The following CUL2 variants were observed in gnomAD, a reference collection of about 807,000 sequenced individuals.
The protein encoded by CUL2 is cullin 2.
CUL2 carries 22 observed loss-of-function variants against 110.2 expected under a neutral mutation model. The observed-to-expected ratio is 0.20, with a 90% confidence interval of 0.14 to 0.28. The LOEUF is 0.28. Ranked by LOEUF, CUL2 falls within the 10% of genes least tolerant of loss-of-function variation. CUL2 has a pLI of 1.00. For missense variants in CUL2, 631 were observed against 905.5 expected, an observed-to-expected ratio of 0.70 and a Z score of 3.89; for synonymous variants, 279 against 293.2, an observed-to-expected ratio of 0.95 and a Z score of 0.49.
chr10:35,031,709 T>C lies in CUL2; in HGVS notation c.1171-90A>G. 1 of 1,415,610 alleles carries C rather than the reference T, an allele frequency of 7.1e-7. No homozygotes were observed. The highest frequency in any genetic ancestry group is 2.3e-5 in the East Asian group (1 of 43,526). 87.7% of individuals were successfully genotyped at this position (1,415,610 alleles called of 1,614,324 possible). The stretch of plus-strand genomic sequence containing the variant: ...GGCAAAGTGGTGATACAAGGTAAGA[T>C]CAGCGGACAGAATTTTTGCTGTTTT... On this transcript the variant is annotated intron_variant, in intron 12 of 20. Coordinates refer to ENST00000374749, the MANE Select transcript of CUL2 (RefSeq NM_003591.4). This position sits in a 1 kb window ranked among gnomAD's most constrained non-coding sequence, Gnocchi z 4.4.
Position 35,010,514 on chromosome 10 carries a change from G to A in CUL2, c.2107-72C>T, listed in dbSNP as rs1042629169. 4 of 1,424,918 alleles carry A rather than the reference G, an allele frequency of 2.8e-6. No homozygotes were observed. In the African/African-American group the frequency reaches 4.4e-5, roughly 16 times the overall value. The allele number at this position is 1,424,918 out of a possible 1,614,324, so 88.3% of individuals were successfully genotyped here. A position where few individuals can be genotyped will look rare whatever the true frequency, so the allele number is the denominator to read the frequency against. On this transcript the variant is annotated intron_variant, in intron 20 of 20. Coordinates refer to ENST00000374749, the MANE Select transcript of CUL2 (RefSeq NM_003591.4). Reference sequence around the variant, plus strand: ...TTAAGTAATGACTTTTAACCAATCAGTTTAAAGTGCCTCAAATGTACTGAG... The same window carrying A: ...TTAAGTAATGACTTTTAACCAATCAATTTAAAGTGCCTCAAATGTACTGAG...
intron 17 of CUL2, among the ~76,000 whole-genome samples, chr10:35,017,570 T>C: frequency 6.6e-6 from 1 of 151,884 alleles, no homozygotes; most frequent in Admixed American, 6.6e-5. Context: ...GGCATATGCC[T>C]GTAAACCCAG....
At chr10:35,107,698 T>A (rs532988113) in intron 1 of CUL2, among the ~76,000 whole-genome samples, 8 of 150,996 alleles carry the variant, frequency 5.3e-5, no homozygotes, top group Admixed American at 2.7e-4. Flanking sequence ...CTGGCTAACA[T>A]GGTGAAACCC....
intron 3 of CUL2, among the ~76,000 whole-genome samples, chr10:35,061,626 C>A (rs2086384274): frequency 6.6e-6 from 1 of 152,168 alleles, no homozygotes; most frequent in Non-Finnish European, 1.5e-5. Flanking sequence ...CTTTAACACA[C>A]TTGCTATCAA....
At chr10:35,065,138 TCCAA>T (rs2086484216) in intron 2 of CUL2, among the ~76,000 whole-genome samples, 2 of 152,144 alleles carry the variant, frequency 1.3e-5, no homozygotes, top group South Asian at 4.1e-4. Context: ...TATTCAAATA[TCCAA>T]CCAACCAGGA....
chr10:35,031,701 AG>A lies in CUL2; in HGVS notation c.1171-83del. 1.4e-6 allele frequency: 2 copies of A among 1,462,672 alleles called. No homozygotes were observed. Among genetic ancestry groups the A allele is most frequent in the Non-Finnish European group, 1.9e-6 (2 of 1,063,410 alleles). 90.6% of individuals were successfully genotyped at this position (1,462,672 alleles called of 1,614,324 possible). ...TCAAAGGAGGCAAAGTGGTGATACA[AG>A]GTAAGATCAGCGGACAGAATTTTTG... On this transcript the variant is annotated intron_variant, in intron 12 of 20. Coordinates refer to ENST00000374749, the MANE Select transcript of CUL2 (RefSeq NM_003591.4). This position sits in a 1 kb window ranked among gnomAD's most constrained non-coding sequence, Gnocchi z 4.4.
intron 8 of CUL2, among the ~76,000 whole-genome samples, chr10:35,040,109 C>T (rs1358015921): frequency 4.6e-5 from 7 of 152,244 alleles, no homozygotes; most frequent in South Asian, 2.1e-4. Flanking sequence ...GCCGACATCA[C>T]GCCACTGCAC....
chr10:35,073,904 C>T (rs767194774), intron 1 of CUL2, among the ~76,000 whole-genome samples: 1 of 152,296 alleles, frequency 6.6e-6, no homozygotes, highest in South Asian at 2.1e-4. Context: ...CTGCGCCTGA[C>T]CTGTTCTCCC....
upstream of CUL2, among the ~76,000 whole-genome samples, chr10:35,091,946 GT>G (rs941549216): frequency 2.6e-5 from 4 of 151,706 alleles, no homozygotes; most frequent in African/African-American, 9.7e-5. Flanking sequence ...TTTTTGTTTT[GT>G]TTTGTTTTTG....
At chr10:35,072,170 A>C (rs1317839631) in intron 1 of CUL2, among the ~76,000 whole-genome samples, 1 of 152,180 alleles carries the variant, frequency 6.6e-6, no homozygotes, top group Admixed American at 6.6e-5. Flanking sequence ...CATTTATATT[A>C]AACCAAACAG....
chr10:35,089,669 T>C (rs1238784211), intron 1 of CUL2, among the ~76,000 whole-genome samples: 2 of 152,130 alleles, frequency 1.3e-5, no homozygotes. Flanking sequence ...CTAGAAAGCG[T>C]GTGAGGATCT....
At chr10:35,030,088 A>C (rs1359278639) in intron 14 of CUL2, among the ~76,000 whole-genome samples, 2 of 152,206 alleles carry the variant, frequency 1.3e-5, no homozygotes, top group Non-Finnish European at 2.9e-5. Flanking sequence ...CCTGGGCTCA[A>C]GTGATCCTCC....
At chr10:35,055,181 T>C (rs1003129045) in intron 4 of CUL2, among the ~76,000 whole-genome samples, 1 of 152,246 alleles carries the variant, frequency 6.6e-6, no homozygotes, top group African/African-American at 2.4e-5. Flanking sequence ...TGTTCAACTG[T>C]GTAGTTTTTA....
chr10:35,052,099 TTTTG>T (rs1032272065), intron 5 of CUL2, among the ~76,000 whole-genome samples: 4 of 152,188 alleles, frequency 2.6e-5, no homozygotes, highest in African/African-American at 4.8e-5. Flanking sequence ...AAAACCAATT[TTTTG>T]TTTGTTTGAC....
At chr10:35,113,827 C>T (rs921546263) in intron 1 of CUL2, among the ~76,000 whole-genome samples, 1 of 151,416 alleles carries the variant, frequency 6.6e-6, no homozygotes, top group African/African-American at 2.4e-5. Flanking sequence ...CTGCATCAGG[C>T]CCCTGAGAAG....
At chr10:35,094,747 A>G (rs2087270728), upstream of CUL2, among the ~76,000 whole-genome samples, 1 of 152,158 alleles carries the variant, frequency 6.6e-6, no homozygotes, top group African/African-American at 2.4e-5. Context: ...CAAACTCTAC[A>G]GTAGGGAAAT....
At chr10:35,026,673 T>C (rs1250555382) in intron 16 of CUL2, among the ~76,000 whole-genome samples, 2 of 152,204 alleles carry the variant, frequency 1.3e-5, no homozygotes, top group Non-Finnish European at 2.9e-5. Flanking sequence ...CTCGTATCTA[T>C]AGCTAGTCAA....
At chr10:35,048,012 G>A (rs2085994799) in intron 6 of CUL2, among the ~76,000 whole-genome samples, 2 of 152,098 alleles carry the variant, frequency 1.3e-5, no homozygotes, top group African/African-American at 4.8e-5. Context: ...CAAATGATCT[G>A]AGTCAGATCA....
chr10:35,123,486 TA>T (rs980372447), intron 1 of CUL2, among the ~76,000 whole-genome samples: 9 of 146,178 alleles, frequency 6.2e-5, no homozygotes, highest in Non-Finnish European at 9.1e-5. Flanking sequence ...ATAGTGGGAA[TA>T]AAAAAAAAAG....
Sources: allele counts gnomAD v4.1 joint callset (sites outside exome capture counted in the v4.1 genomes callset), GRCh38; gene constraint gnomAD v4.1.1; non-coding constraint Gnocchi (gnomAD v3.1); transcripts MANE v1.5; gene names NCBI Gene and HGNC (gene_info 2026-07-23, HGNC 2026-07-21).